Variants in ANKLE1 observed in about 807,000 individuals in gnomAD.
The protein encoded by ANKLE1 is ankyrin repeat and LEM domain containing 1.
In ANKLE1, 59 loss-of-function variants were observed where a neutral mutation model predicts 56.2. That is an observed-to-expected ratio of 1.05 (90% CI 0.85 to 1.30). The LOEUF (loss-of-function observed/expected upper bound fraction) is 1.30, where lower values mean the gene tolerates loss of function less well. Among genes scored for constraint, ANKLE1 ranks in the 50% most tolerant of loss-of-function variants. The pLI is 0.00. For synonymous variants in ANKLE1, 341 were observed against 352.9 expected (o/e 0.97, Z 0.38); for missense variants, 771 against 816.1 (o/e 0.94, Z 0.67).
chr19:17,284,072 T>C lies in ANKLE1; in HGVS notation c.1199-17T>C, dbSNP rs754364374. 6.8e-6 allele frequency: 11 copies of C among 1,611,312 alleles called. No homozygotes were observed. The highest frequency in any genetic ancestry group is 9.3e-6 in the Non-Finnish European group (11 of 1,177,798). On this transcript the variant is annotated splice_polypyrimidine_tract_variant and intron_variant, in intron 5 of 8. Coordinates refer to ENST00000404085, the MANE Select transcript of ANKLE1 (RefSeq NM_152363.6). Reference sequence around the variant, plus strand: ...CATCTCAGAATCATCCCTTCCTCCATCTCCCTTGACTTCCAGGCCCAGAGT... The same window carrying C: ...CATCTCAGAATCATCCCTTCCTCCACCTCCCTTGACTTCCAGGCCCAGAGT...
chr19:17,284,577 T>G (rs963574305), intron 6 of ANKLE1, among the ~76,000 whole-genome samples: 2 of 151,648 alleles, frequency 1.3e-5, no homozygotes, highest in East Asian at 3.9e-4. Context: ...AGAGACGAGG[T>G]TTCACCATGT....
chr19:17,284,390 T>G (rs2074009890), intron 6 of ANKLE1, 124 bp downstream of exon 6: 2 of 1,053,810 alleles, frequency 1.9e-6, no homozygotes, highest in South Asian at 3.4e-5. Context: ...CTTCTTTTTT[T>G]TTATTTTTTT....
intron 5 of ANKLE1, 53 bp downstream of exon 5, chr19:17,284,015 A>C: frequency 6.3e-7 from 1 of 1,595,944 alleles, no homozygotes; most frequent in African/African-American, 1.3e-5. Context: ...AATCTCCCGG[A>C]GAACCCCAGC....
chr19:17,282,455 G>A, intron 2 of ANKLE1: 2 of 810,020 alleles, frequency 2.5e-6, no homozygotes, highest in Non-Finnish European at 1.9e-6. Context: ...TCGGATATTG[G>A]AGTGGAGGCA....
Position 17,283,266 on chromosome 19 carries a change from A to G in ANKLE1, c.502A>G (p.Ile168Val), listed in dbSNP as rs2073994598. ...ACCTACCGATGAGACGCTGGACTCC[A>G]TAGCACTCCAAAAGCAGCCATGCAG... ...SGPTDETLDS[I>V]ALQKQPCRGD... Residue 168 changes from isoleucine (I) to valine (V), a missense_variant, in exon 5 of 9, where the codon ATA (isoleucine) becomes GTA (valine). Physicochemically the swap from Ile to Val is conservative, Grantham distance 29 (BLOSUM62 3). Coordinates refer to ENST00000404085, the MANE Select transcript of ANKLE1 (RefSeq NM_152363.6). The G allele has an allele frequency of 6.2e-7, 1 of 1,613,378 alleles. No homozygotes were observed. Among genetic ancestry groups the G allele is most frequent in the South Asian group, 1.1e-5 (1 of 91,076 alleles).
At position 17,282,693 on chromosome 19, in the gene ANKLE1, G is replaced by GC. The variant is rs2073985898; in HGVS notation, c.254dup (p.Trp86ValfsTer78). The GC allele has an allele frequency of 2.6e-6, 4 of 1,535,324 alleles. No individual in the cohort carries two copies. The highest frequency in any genetic ancestry group is 3.5e-6 in the Non-Finnish European group (4 of 1,146,780). ...ACTGACGCCGCTGCATGTGGCCGCC[G>GC]CGTGGGGCTGCCGCCGCGGCCTGGA... is the stretch of plus-strand genomic sequence containing the variant. On this transcript the variant is annotated frameshift_variant, in exon 3 of 9. Coordinates refer to ENST00000404085, the MANE Select transcript of ANKLE1 (RefSeq NM_152363.6). LOFTEE classifies it high-confidence loss of function.
chr19:17,283,108 A>G (rs1018163418), intron 4 of ANKLE1, 106 bp downstream of exon 4: 3 of 1,541,150 alleles, frequency 1.9e-6, no homozygotes, highest in South Asian at 2.4e-5. Context: ...CACATCCACT[A>G]TTTGTGGCCA....
intron 8 of ANKLE1, 92 bp from the exon 9 acceptor site, chr19:17,286,288 C>T: frequency 6.8e-7 from 1 of 1,475,404 alleles, no homozygotes; most frequent in Non-Finnish European, 9.0e-7. Context: ...AGGCGTGAGC[C>T]ACCATACCCA....
rs1277561565 is a variant in ANKLE1 at position 17,282,918 on chromosome 19, C to G, written c.376C>G (p.Arg126Gly). 1 of 1,573,122 alleles carries G rather than the reference C, an allele frequency of 6.4e-7. No homozygotes were observed. Among genetic ancestry groups the G allele is most frequent in the East Asian group, 2.3e-5 (1 of 43,226 alleles). Residue 126 changes from arginine (R) to glycine (G), a missense_variant, in exon 4 of 9, where the codon CGA becomes GGA. By Grantham distance (125) the Arg-to-Gly change is moderately radical. Coordinates refer to ENST00000404085, the MANE Select transcript of ANKLE1 (RefSeq NM_152363.6). ...ALQQGHLECARVLQDLDTRTR... is the reference protein window; with the variant it reads ...ALQQGHLECAGVLQDLDTRTR... ...GCAGCAGGGACACCTGGAGTGCGCG[C>G]GAGTCCTGCAGGATCTCGACACGCG...
chr19:17,286,518 A>G lies in ANKLE1; in HGVS notation c.1814A>G (p.Gln605Arg). Residue 605 changes from glutamine (Q) to arginine (R), a missense_variant, in exon 9 of 9, where the codon CAG becomes CGG. Transcript: ENST00000404085. ...LLVFLAEGER[Q>R]LHPQDIQARG ...GTCTTCCTGGCTGAAGGCGAGCGAC[A>G]GCTTCATCCCCAGGACATCCAGGCC... 1 of 1,611,180 alleles carries G rather than the reference A, an allele frequency of 6.2e-7. No individual in the cohort carries two copies. The highest frequency in any genetic ancestry group is 8.5e-7 in the Non-Finnish European group (1 of 1,179,106).
intron 4 of ANKLE1, 78 bp from the exon 5 acceptor site, chr19:17,283,144 TCTC>T (rs1295993342): frequency 4.5e-6 from 7 of 1,551,712 alleles, no homozygotes; most frequent in East Asian, 2.3e-5. Context: ...GACACTCTGA[TCTC>T]CTTTTTCTGT....
rs777599104 is a variant in ANKLE1 at position 17,285,573 on chromosome 19, GGGC to G, written c.1522_1524del (p.Arg508del). On this transcript the variant is annotated inframe_deletion, in exon 7 of 9. Coordinates refer to ENST00000404085, the MANE Select transcript of ANKLE1 (RefSeq NM_152363.6). ...CCTCTGGGAGGCCCTTGGTCACCAT[GGGC>G]GGTCAAGAAAACAGGTGTGAGGACA... The G allele has an allele frequency of 1.9e-5, 31 of 1,613,920 alleles. No homozygotes were observed. The South Asian group carries it at 3.3e-4, about 17-fold the overall frequency.
chr19:17,285,034 C>T (rs1486732087), intron 6 of ANKLE1, among the ~76,000 whole-genome samples: 1 of 151,710 alleles, frequency 6.6e-6, no homozygotes, highest in Non-Finnish European at 1.5e-5. Context: ...CTGAGGTGGG[C>T]GGATCACCTG....
intron 1 of ANKLE1, 23 bp downstream of exon 1, chr19:17,282,005 G>A: frequency 3.3e-6 from 5 of 1,535,334 alleles, no homozygotes; most frequent in Non-Finnish European, 4.4e-6. Flanking sequence ...CCGGGGGCGG[G>A]CCAGGAGTGG....
intron 6 of ANKLE1, 116 bp from the exon 7 acceptor site, chr19:17,285,315 T>C: frequency 1.6e-6 from 2 of 1,282,024 alleles, no homozygotes; most frequent in Non-Finnish European, 2.2e-6. Flanking sequence ...TGACTCTCTC[T>C]GATCCTGTAA....
rs774971450 is a variant in ANKLE1 at position 17,283,482 on chromosome 19, T to G, written c.718T>G (p.Trp240Gly). The G allele has an allele frequency of 6.2e-6, 10 of 1,613,140 alleles. No homozygotes were observed. In the South Asian group the frequency reaches 7.7e-5, roughly 12 times the overall value. Residue 240 changes from tryptophan (W) to glycine (G), a missense_variant, in exon 5 of 9, where the codon TGG becomes GGG. Trp to Gly is a radical substitution (Grantham distance 184). Coordinates refer to ENST00000404085, the MANE Select transcript of ANKLE1 (RefSeq NM_152363.6). ...AEDPASDTPP[W>G]AGSLPPTRQG... ...GGACCCAGCCTCGGACACTCCCCCC[T>G]GGGCTGGGTCATTGCCACCGACCAG...
rs139622055 is a variant in ANKLE1, at chr19:17,286,520, C to A, written c.1816C>A (p.Leu606Ile). The change falls in exon 9 of 9, where the codon CTT becomes ATT. Residue 606 changes from leucine (L) to isoleucine (I), a missense_variant. Coordinates refer to ENST00000404085, the MANE Select transcript of ANKLE1 (RefSeq NM_152363.6). The stretch of plus-strand genomic sequence containing the variant: ...CTTCCTGGCTGAAGGCGAGCGACAG[C>A]TTCATCCCCAGGACATCCAGGCCCG... ...LVFLAEGERQLHPQDIQARG is the reference protein window; with the variant it reads ...LVFLAEGERQIHPQDIQARG The A allele has an allele frequency of 2.5e-6, 4 of 1,610,866 alleles. No individual in the cohort carries two copies. Among genetic ancestry groups the A allele is most frequent in the Non-Finnish European group, 3.4e-6 (4 of 1,178,968 alleles).
In ANKLE1 at chr19:17,282,089, A is replaced by G; in HGVS notation, c.95A>G (p.Asp32Gly). The G allele has an allele frequency of 2.6e-6, 4 of 1,540,692 alleles. No homozygotes were observed. The South Asian group carries it at 3.6e-5, about 14-fold the overall frequency. ...AVEELLRCGA[D>G]PNLVLEDGAA... is the part of the protein sequence containing the mutation. Reference sequence around the variant, plus strand: ...GAGGAGCTGCTGCGCTGCGGCGCGGACCCTAATTTGGTGCTAGAGGACGGC... The same window carrying G: ...GAGGAGCTGCTGCGCTGCGGCGCGGGCCCTAATTTGGTGCTAGAGGACGGC... The change falls in exon 2 of 9, where the codon GAC (aspartate) becomes GGC (glycine). Residue 32 changes from aspartate (D) to glycine (G), a missense_variant. Transcript: ENST00000404085.
rs2074048291 is a variant in ANKLE1, at chr19:17,287,595, A to G, written c.*1043A>G. 3 of 152,116 alleles carry G rather than the reference A, an allele frequency of 2.0e-5. No homozygotes were observed. Among genetic ancestry groups the G allele is most frequent in the Admixed American group, 2.0e-4 (3 of 15,280 alleles). 9.4% of individuals were successfully genotyped at this position (152,116 alleles called of 1,614,324 possible). On this transcript the variant is annotated 3_prime_UTR_variant, in exon 9 of 9. Transcript: ENST00000404085. ...ACCAGCAGCCCTGCCCTGTCTATGGAGTAGCCATTCTTTTATTCCTTTAGT... is the reference window on the plus strand; with the variant it reads ...ACCAGCAGCCCTGCCCTGTCTATGGGGTAGCCATTCTTTTATTCCTTTAGT...
Sources: gnomAD v4.1 joint callset for allele counts (sites outside exome capture counted in the v4.1 genomes callset) on GRCh38, gnomAD v4.1.1 for gene constraint, MANE v1.5 for transcripts, NCBI Gene and HGNC (gene_info 2026-07-23, HGNC 2026-07-21) for gene names.